The following SOX6 variants were observed in gnomAD, a reference collection of about 807,000 sequenced individuals.
The protein encoded by SOX6 is SRY-box transcription factor 6.
SOX6 carries 11 observed loss-of-function variants against 97.8 expected under a neutral mutation model. That is an observed-to-expected ratio of 0.11 (90% CI 0.07 to 0.19). SOX6 has a LOEUF of 0.19. SOX6 is among the 10% of genes least tolerant of loss of function. The pLI is 1.00. For synonymous variants in SOX6, 360 were observed against 371.4 expected (o/e 0.97, Z 0.35); for missense variants, 810 against 1,039.5 (o/e 0.78, Z 3.04).
intron 4 of SOX6, among the ~76,000 whole-genome samples, chr11:16,540,270 G>A (rs968196014): frequency 2.0e-5 from 3 of 152,042 alleles, no homozygotes; most frequent in African/African-American, 7.2e-5. Context: ...AAATTCAACA[G>A]CCCTTCATGC....
At chr11:16,626,808 A>G (rs1427840446) in intron 3 of SOX6, among the ~76,000 whole-genome samples, 2 of 152,124 alleles carry the variant, frequency 1.3e-5, no homozygotes, top group African/African-American at 2.4e-5. Flanking sequence ...TTATAACAGT[A>G]TTTTTTAAAT....
At chr11:16,344,393 A>C (rs1422892314) in intron 1 of SOX6, among the ~76,000 whole-genome samples, 1 of 151,962 alleles carries the variant, frequency 6.6e-6, no homozygotes, top group Non-Finnish European at 1.5e-5. Flanking sequence ...ACTTTATTAA[A>C]TAATCCTGAT....
intron 7 of SOX6, among the ~76,000 whole-genome samples, chr11:16,098,647 A>C (rs979799878): frequency 1.3e-5 from 2 of 151,878 alleles, no homozygotes; most frequent in African/African-American, 4.8e-5. Context: ...ATGGAGTATC[A>C]CTTTGGCTTC....
At chr11:16,348,472 G>T (rs897081619) in intron 1 of SOX6, among the ~76,000 whole-genome samples, 2 of 152,028 alleles carry the variant, frequency 1.3e-5, no homozygotes, top group Admixed American at 6.6e-5. Context: ...AAAAAGGAGT[G>T]CATTTTAATC....
chr11:16,223,314 C>G (rs763999460), intron 4 of SOX6, among the ~76,000 whole-genome samples: 2 of 152,050 alleles, frequency 1.3e-5, no homozygotes, highest in Non-Finnish European at 2.9e-5. Flanking sequence ...ATTTAACACT[C>G]AACTTGTCTC....
intron 13 of SOX6, among the ~76,000 whole-genome samples, chr11:16,008,169 T>C (rs578053102): frequency 3.3e-5 from 5 of 152,234 alleles, no homozygotes; most frequent in African/African-American, 7.2e-5. Flanking sequence ...ATTGTTACAT[T>C]GCATTGTTTA....
intron 6 of SOX6, among the ~76,000 whole-genome samples, chr11:16,152,828 C>T (rs765672562): frequency 2.0e-5 from 3 of 151,990 alleles, no homozygotes; most frequent in African/African-American, 7.3e-5. Context: ...CTCAGCCTCC[C>T]GAGTAGCTGG....
chr11:16,687,283 G>A (rs1302813281), intron 3 of SOX6, among the ~76,000 whole-genome samples: 1 of 152,190 alleles, frequency 6.6e-6, no homozygotes, highest in East Asian at 1.9e-4. Flanking sequence ...AGGTAAAGCA[G>A]GAGCACGCAT....
chr11:16,529,544 T>C (rs1291862835), intron 4 of SOX6, among the ~76,000 whole-genome samples: 2 of 152,218 alleles, frequency 1.3e-5, no homozygotes. Context: ...ATTCTCCTCT[T>C]CAACCTTGAC....
Position 16,097,705 on chromosome 11 carries a change from T to C in SOX6, c.899-17A>G, listed in dbSNP as rs765546309. On this transcript the variant is annotated splice_polypyrimidine_tract_variant and intron_variant, in intron 7 of 15. Transcript: ENST00000683767. ...AGTTATCACCTGTCGGAAAGAACAATGCATACAGGTTTAGACAATGCACAG... is the reference window on the plus strand; with the variant it reads ...AGTTATCACCTGTCGGAAAGAACAACGCATACAGGTTTAGACAATGCACAG... 6.2e-7 allele frequency: 1 copy of C among 1,605,196 alleles called. No homozygotes were observed. Among genetic ancestry groups the C allele is most frequent in the East Asian group, 2.2e-5 (1 of 44,756 alleles).
chr11:16,704,039 T>C (rs770392375), intron 3 of SOX6, among the ~76,000 whole-genome samples: 6 of 152,184 alleles, frequency 3.9e-5, no homozygotes, highest in Non-Finnish European at 7.4e-5. Flanking sequence ...TAAAGAACAA[T>C]GCAATAACTT....
chr11:16,373,067 G>A (rs986237154), intron 1 of SOX6, among the ~76,000 whole-genome samples: 2 of 151,940 alleles, frequency 1.3e-5, no homozygotes, highest in Non-Finnish European at 2.9e-5. Flanking sequence ...AAGGAAAATT[G>A]GCATTGTACA....
At chr11:16,395,940 T>C (rs1590184182) in intron 1 of SOX6, among the ~76,000 whole-genome samples, 2 of 151,946 alleles carry the variant, frequency 1.3e-5, no homozygotes, top group East Asian at 1.9e-4. Context: ...AAAAATTGTT[T>C]AAAGAATTAA....
At chr11:16,555,238 A>C (rs1847737804) in intron 4 of SOX6, among the ~76,000 whole-genome samples, 1 of 151,920 alleles carries the variant, frequency 6.6e-6, no homozygotes, top group African/African-American at 2.4e-5. Flanking sequence ...ATACATAAAA[A>C]ACATGACAAT....
chr11:16,644,832 C>G (rs1848987841), intron 3 of SOX6, among the ~76,000 whole-genome samples: 1 of 152,138 alleles, frequency 6.6e-6, no homozygotes. Context: ...TTCACTTGGT[C>G]TATCAGCCCA....
In SOX6 at chr11:16,471,080, AT is replaced by A. The variant is rs766382670; in HGVS notation, c.-5+5234del. Among the ~76,000 whole-genome samples, 261 of 148,426 alleles carry A rather than the reference AT, an allele frequency of 1.8e-3. 2 individuals carry two copies. The highest frequency in any genetic ancestry group is 5.8e-3 in the African/African-American group (236 of 40,682). On this transcript the variant is annotated intron_variant, in intron 1 of 15. Transcript: ENST00000396356. ...CAGGGTAGCTAATAAACTATGTCCGATTTTTTTTTTGTTTTTTTTTTAACCC... is the reference window on the plus strand; with the variant it reads ...CAGGGTAGCTAATAAACTATGTCCGATTTTTTTTTGTTTTTTTTTTAACCC...
intron 1 of SOX6, among the ~76,000 whole-genome samples, chr11:16,385,945 T>C (rs566551403): frequency 6.6e-6 from 1 of 152,316 alleles, no homozygotes; most frequent in South Asian, 2.1e-4. Flanking sequence ...TTTGTTGCTG[T>C]TGAATTGCCT....
rs1199563848 is a variant in SOX6 at position 16,447,961 on chromosome 11, G to A, written c.-5+28354C>T. On this transcript the variant is annotated intron_variant, in intron 1 of 15. Coordinates refer to the SOX6 transcript ENST00000396356. ...AACAGAGCTAATCAAGTTGTGTTAAGTAACCCAGTCATTGCACAGAAATCT... is the reference window on the plus strand; with the variant it reads ...AACAGAGCTAATCAAGTTGTGTTAAATAACCCAGTCATTGCACAGAAATCT... Among the ~76,000 whole-genome samples the A allele has an allele frequency of 1.3e-5, 2 of 152,194 alleles. 1 individual carries two copies.
rs368319945 is a variant in SOX6 at position 16,595,238 on chromosome 11, C to T, written n.609+16843G>A. 2.4e-4 allele frequency among the ~76,000 whole-genome samples: 36 copies of T among 151,920 alleles called. 2 individuals carry two copies. The East Asian group carries it at 6.2e-3, about 26-fold the overall frequency. ...AATGCAAGTCTCCAGGATGCCAAAG[C>T]GGTGGTGAGGAAAATAGGTTAAAGC... On this transcript the variant is annotated intron_variant and non_coding_transcript_variant, in intron 4 of 5. Transcript: ENST00000524520.
Sources: gnomAD v4.1 joint callset for allele counts (sites outside exome capture counted in the v4.1 genomes callset) on GRCh38, gnomAD v4.1.1 for gene constraint, MANE v1.5 for transcripts, NCBI Gene and HGNC (gene_info 2026-07-23, HGNC 2026-07-21) for gene names.